RPA2: variants seen among roughly 807,000 people sequenced by gnomAD.
The protein encoded by RPA2 is replication protein A2.
Under a neutral mutation model 33.4 loss-of-function variants are expected in RPA2, and 22 were observed. The ratio of observed to expected loss-of-function variants is 0.66; its 90% CI spans 0.47 to 0.94. The LOEUF is 0.94. RPA2 is among the 40% of genes least tolerant of loss of function. The pLI, the probability that RPA2 is intolerant of heterozygous loss-of-function variation, is 0.00. For missense variants in RPA2, 279 were observed against 329.9 expected, an observed-to-expected ratio of 0.85 and a Z score of 1.19; for synonymous variants, 109 against 114.9, an observed-to-expected ratio of 0.95 and a Z score of 0.33.
chr1:27,900,360 C>T (rs1404193485), intron 4 of RPA2, among the ~76,000 whole-genome samples: 4 of 152,108 alleles, frequency 2.6e-5, no homozygotes, highest in Non-Finnish European at 4.4e-5. Context: ...GATCCACCTG[C>T]CTCAGTCTCC....
At chr1:27,914,617 C>A (rs2090147222), upstream of RPA2, 1 of 1,613,760 alleles carries the variant, frequency 6.2e-7, no homozygotes, top group African/African-American at 1.3e-5. Flanking sequence ...TTCAGCCAAT[C>A]GGTGCTCACG....
chr1:27,911,190 T>C (rs2090091869), intron 2 of RPA2, among the ~76,000 whole-genome samples: 1 of 151,656 alleles, frequency 6.6e-6, no homozygotes, highest in Non-Finnish European at 1.5e-5. Flanking sequence ...CACTCTGGCC[T>C]GGGCAACAGA....
chr1:27,904,453 T>C (rs556216848), intron 4 of RPA2, among the ~76,000 whole-genome samples: 15 of 152,330 alleles, frequency 9.8e-5, no homozygotes, highest in African/African-American at 3.4e-4. Flanking sequence ...TCTACCTCCC[T>C]GCTTGATGGC....
chr1:27,905,544 G>A (rs1446850114), intron 4 of RPA2, among the ~76,000 whole-genome samples: 1 of 152,156 alleles, frequency 6.6e-6, no homozygotes, highest in Non-Finnish European at 1.5e-5. Flanking sequence ...GCCTGCCTTG[G>A]CTTCCTAAAG....
chr1:27,906,435 T>C lies in RPA2; in HGVS notation c.333+493A>G, dbSNP rs149267731. Among the ~76,000 whole-genome samples the C allele has an allele frequency of 5.3e-5, 8 of 151,742 alleles. No individual in the cohort carries two copies. The East Asian group carries it at 1.5e-3, about 29-fold the overall frequency. ...TGGGTGTGGTGGCTCAAGCCTGTAA[T>C]AATCCCAGCACTTTGGGAGGCCAAG... On this transcript the variant is annotated intron_variant, in intron 4 of 8. Coordinates refer to ENST00000373912, the MANE Select transcript of RPA2 (RefSeq NM_002946.5).
chr1:27,903,233 G>A (rs562613506), intron 4 of RPA2, among the ~76,000 whole-genome samples: 367 of 152,168 alleles, frequency 2.4e-3, no homozygotes, highest in African/African-American at 8.5e-3. Flanking sequence ...CTGGCCTTAC[G>A]ATTATTTTAT....
At chr1:27,907,089 G>A in intron 3 of RPA2, 48 bp from the exon 4 acceptor site, 3 of 1,567,212 alleles carry the variant, frequency 1.9e-6, no homozygotes, top group Non-Finnish European at 2.6e-6. Context: ...GGTTCCCCCT[G>A]AAACCAAGGC....
Position 27,894,050 on chromosome 1 carries a change from G to A in RPA2, c.690C>T (p.Leu230=). Residue 230 remains leucine, a synonymous_variant, in exon 8 of 9, where the codon CTC becomes CTT. Coordinates refer to ENST00000373912, the MANE Select transcript of RPA2 (RefSeq NM_002946.5). ...CAGACATGTGTTTCAGCTGGTTCTT[G>A]AGATCCTGAAAGTTCAACCCTTCAG... ...PRPEGLNFQD[L]KNQLKHMSVS... is the part of the protein sequence containing the mutation. 2.5e-6 allele frequency: 4 copies of A among 1,614,126 alleles called. No individual in the cohort carries two copies. The highest frequency in any genetic ancestry group is 3.4e-6 in the Non-Finnish European group (4 of 1,179,998).
upstream of RPA2, chr1:27,914,672 C>T: frequency 6.2e-7 from 1 of 1,613,050 alleles, no homozygotes; most frequent in Non-Finnish European, 8.5e-7. Context: ...CTCCAGAAAA[C>T]GCGTACTGCG....
At chr1:27,907,883 C>G (rs1056423903) in intron 2 of RPA2, among the ~76,000 whole-genome samples, 13 of 152,258 alleles carry the variant, frequency 8.5e-5, no homozygotes, top group Non-Finnish European at 1.9e-4. Context: ...AGTTTCGCTC[C>G]TGTTGTCCAG....
chr1:27,913,294 A>T (rs1022150028), intron 2 of RPA2, among the ~76,000 whole-genome samples: 23 of 150,690 alleles, frequency 1.5e-4, no homozygotes, highest in African/African-American at 5.6e-4. Flanking sequence ...CATTTAATTT[A>T]AAAGCGACTT....
In RPA2 at chr1:27,907,053, G is replaced by GA; in HGVS notation, c.220-13dup. On this transcript the variant is annotated splice_polypyrimidine_tract_variant and intron_variant, in intron 3 of 8. Coordinates refer to ENST00000373912, the MANE Select transcript of RPA2 (RefSeq NM_002946.5). The stretch of plus-strand genomic sequence containing the variant: ...CCCACAATAGTGACCTAGGTTAGAA[G>GA]AAACAAAGAAAAAAAAAAAAGGTCT... 1 of 1,555,156 alleles carries GA rather than the reference G, an allele frequency of 6.4e-7. No homozygotes were observed. Among genetic ancestry groups the GA allele is most frequent in the Admixed American group, 2.0e-5 (1 of 48,936 alleles).
chr1:27,911,737 CTG>C (rs1453904309), intron 2 of RPA2, among the ~76,000 whole-genome samples: 1 of 152,168 alleles, frequency 6.6e-6, no homozygotes, highest in Non-Finnish European at 1.5e-5. Context: ...ACCTGAGTCT[CTG>C]TTAGTATGCT....
At chr1:27,901,784 G>C (rs2089970626) in intron 4 of RPA2, among the ~76,000 whole-genome samples, 1 of 151,692 alleles carries the variant, frequency 6.6e-6, no homozygotes, top group South Asian at 2.1e-4. Context: ...ATTTCTTTTT[G>C]AGATAGGGTC....
In RPA2 at chr1:27,896,569, A is replaced by C. The variant is rs1025385566; in HGVS notation, c.525+436T>G. ...ATGGAAAATACTAGGGAGAAATTTC[A>C]ATATGAACCAAGAAATATAATTTCA... is the stretch of plus-strand genomic sequence containing the variant. On this transcript the variant is annotated intron_variant, in intron 6 of 8. Coordinates refer to ENST00000373912, the MANE Select transcript of RPA2 (RefSeq NM_002946.5). 4.6e-5 allele frequency among the ~76,000 whole-genome samples: 7 copies of C among 152,238 alleles called. No individual in the cohort carries two copies. The South Asian group carries it at 8.3e-4, about 18-fold the overall frequency.
At chr1:27,903,521 C>G (rs569581229) in intron 4 of RPA2, among the ~76,000 whole-genome samples, 2 of 151,422 alleles carry the variant, frequency 1.3e-5, no homozygotes, top group South Asian at 4.2e-4. Context: ...AAGTTCGAGA[C>G]CAGCCTGGCC....
chr1:27,897,512 A>C, intron 5 of RPA2, 121 bp downstream of exon 5: 2 of 604,500 alleles, frequency 3.3e-6, no homozygotes, highest in Non-Finnish European at 5.6e-6. Flanking sequence ...TGAAGAGAGT[A>C]AGAAATAACT....
Position 27,894,313 on chromosome 1 carries a change from C to CCA in RPA2, c.609_610insTG (p.Gly204TrpfsTer11), listed in dbSNP as rs2089862926. 6.2e-7 allele frequency: 1 copy of CCA among 1,614,002 alleles called. No individual in the cohort carries two copies. The highest frequency in any genetic ancestry group is 8.5e-7 in the Non-Finnish European group (1 of 1,180,024). The stretch of plus-strand genomic sequence containing the variant: ...ACCTGGTTTTGGGCCACAGTGAGGC[C>CCA]ATTTGCTGGCATGAAGCTATTCCCA... On this transcript the variant is annotated frameshift_variant, in exon 7 of 9. Coordinates refer to ENST00000373912, the MANE Select transcript of RPA2 (RefSeq NM_002946.5). LOFTEE classifies it high-confidence loss of function.
intron 4 of RPA2, among the ~76,000 whole-genome samples, chr1:27,900,056 G>T (rs896432366): frequency 1.4e-4 from 22 of 152,154 alleles, no homozygotes; most frequent in African/African-American, 4.8e-4. Flanking sequence ...TGATCCACCC[G>T]CCTCCGCCTC....
Sources: gnomAD v4.1 joint callset for allele counts (sites outside exome capture counted in the v4.1 genomes callset) on GRCh38, gnomAD v4.1.1 for gene constraint, MANE v1.5 for transcripts, NCBI Gene and HGNC (gene_info 2026-07-23, HGNC 2026-07-21) for gene names.